The following CHODL variants were observed in gnomAD, a reference collection of about 807,000 sequenced individuals.
The protein encoded by CHODL is transmembrane protein MT75.
In CHODL, 29 loss-of-function variants were observed where a neutral mutation model predicts 34.5. The ratio of observed to expected loss-of-function variants is 0.84; its 90% confidence interval spans 0.63 to 1.15. The LOEUF (loss-of-function observed/expected upper bound fraction) is 1.15, where lower values mean the gene tolerates loss of function less well. CHODL is among the 50% of genes most tolerant of loss of function. CHODL has a pLI of 0.00. For missense variants in CHODL, 332 were observed against 332.5 expected, an observed-to-expected ratio of 1.00 and a Z score of 0.01; for synonymous variants, 125 against 116.1, an observed-to-expected ratio of 1.08 and a Z score of -0.49.
chr21:18,255,455 C>T (rs2074304490), intron 1 of CHODL, among the ~76,000 whole-genome samples: 2 of 151,960 alleles, frequency 1.3e-5, no homozygotes, highest in African/African-American at 4.8e-5. Context: ...TAAGTAGAGC[C>T]TCTAAAGCTG....
intron 1 of CHODL, among the ~76,000 whole-genome samples, chr21:17,999,175 T>A (rs1382621487): frequency 6.6e-6 from 1 of 152,212 alleles, no homozygotes; most frequent in Admixed American, 6.5e-5. Context: ...GCCACCAGTC[T>A]CTTTGCTAAA....
intron 2 of CHODL, among the ~76,000 whole-genome samples, chr21:18,088,879 C>G (rs192066218): frequency 6.6e-6 from 1 of 152,112 alleles, no homozygotes; most frequent in African/African-American, 2.4e-5. Flanking sequence ...GAGTTAAATA[C>G]GCATGACTGA....
chr21:18,049,991 G>A (rs1197366659), intron 2 of CHODL, among the ~76,000 whole-genome samples: 1 of 151,914 alleles, frequency 6.6e-6, no homozygotes, highest in Non-Finnish European at 1.5e-5. Flanking sequence ...CTGCTTTCCT[G>A]GAGCTAACAG....
At chr21:17,941,963 G>A (rs963653857) in intron 1 of CHODL, among the ~76,000 whole-genome samples, 5 of 152,150 alleles carry the variant, frequency 3.3e-5, no homozygotes, top group Admixed American at 6.5e-5. Context: ...CATTCATGAC[G>A]CCTTCACTCT....
At chr21:18,011,028 G>T (rs1252606818) in intron 1 of CHODL, among the ~76,000 whole-genome samples, 1 of 152,068 alleles carries the variant, frequency 6.6e-6, no homozygotes, top group Non-Finnish European at 1.5e-5. Context: ...TTTGAAGTTG[G>T]TTGAATTTTT....
At chr21:17,942,900 G>A (rs1324168061) in intron 1 of CHODL, among the ~76,000 whole-genome samples, 1 of 152,160 alleles carries the variant, frequency 6.6e-6, no homozygotes, top group African/African-American at 2.4e-5. Context: ...TTCTTATAGT[G>A]AGTGAGTTCT....
chr21:18,012,263 C>T (rs541458347), intron 1 of CHODL, among the ~76,000 whole-genome samples: 126 of 152,182 alleles, frequency 8.3e-4, no homozygotes, highest in Non-Finnish European at 1.6e-3. Flanking sequence ...CATTTGTCAT[C>T]ACAATCATTC....
intron 1 of CHODL, among the ~76,000 whole-genome samples, chr21:18,249,695 A>C (rs8129790): frequency 0.029 from 4,390 of 152,294 alleles, 228 homozygotes; most frequent in African/African-American, 0.098. Context: ...ACCTGGTAAA[A>C]GCATGGAGTG....
At chr21:17,974,845 CAGG>C (rs992798469) in intron 1 of CHODL, among the ~76,000 whole-genome samples, 16 of 150,524 alleles carry the variant, frequency 1.1e-4, no homozygotes, top group Non-Finnish European at 1.8e-4. Context: ...TGAACTATGT[CAGG>C]AGAATAGAGA....
At chr21:17,982,510 C>T (rs1042285986) in intron 1 of CHODL, among the ~76,000 whole-genome samples, 2 of 151,714 alleles carry the variant, frequency 1.3e-5, no homozygotes, top group African/African-American at 2.4e-5. Context: ...TCATTTTTAT[C>T]CCATGAAAAA....
At chr21:18,186,410 TA>T (rs34659673) in intron 2 of CHODL, among the ~76,000 whole-genome samples, 28 of 146,144 alleles carry the variant, frequency 1.9e-4, no homozygotes, top group Middle Eastern at 3.5e-3. Context: ...AAAAAAAAAT[TA>T]AAAAAAAAAA....
chr21:18,074,070 A>G (rs1188183681), intron 2 of CHODL, among the ~76,000 whole-genome samples: 1 of 152,142 alleles, frequency 6.6e-6, no homozygotes, highest in African/African-American at 2.4e-5. Context: ...TGGCTGAGAC[A>G]TGAATCTAAT....
At chr21:18,021,894 G>A (rs530786278) in intron 1 of CHODL, among the ~76,000 whole-genome samples, 1 of 152,256 alleles carries the variant, frequency 6.6e-6, no homozygotes, top group East Asian at 1.9e-4. Flanking sequence ...GAATATTTGT[G>A]TCCTCTCCAC....
At chr21:18,253,872 G>C (rs748010001) in intron 1 of CHODL, among the ~76,000 whole-genome samples, 1 of 152,068 alleles carries the variant, frequency 6.6e-6, no homozygotes, top group Non-Finnish European at 1.5e-5. Flanking sequence ...TCCAGATCAC[G>C]GTCACGAAAC....
At chr21:18,194,853 T>C (rs941341202) in intron 2 of CHODL, among the ~76,000 whole-genome samples, 1 of 152,028 alleles carries the variant, frequency 6.6e-6, no homozygotes, top group Non-Finnish European at 1.5e-5. Flanking sequence ...ATTGCACTTA[T>C]TTGTTGTGTA....
At chr21:18,014,766 GA>G (rs1402160381) in intron 1 of CHODL, among the ~76,000 whole-genome samples, 1 of 152,214 alleles carries the variant, frequency 6.6e-6, no homozygotes, top group East Asian at 1.9e-4. Flanking sequence ...GGTCTCTTCA[GA>G]AGGCGAGCAG....
At chr21:18,064,774 C>T (rs1181851665) in intron 2 of CHODL, among the ~76,000 whole-genome samples, 5 of 152,178 alleles carry the variant, frequency 3.3e-5, no homozygotes, top group African/African-American at 4.8e-5. Context: ...CGCGCACACA[C>T]ACGTATGTAA....
rs1251597488 is a variant in CHODL, at chr21:17,954,891, CAT to C, written c.-145+37496_-145+37497del. ...TATATATTTATATTTTAAATTAAAT[CAT>C]ATATTTTATATAATATCTATAATTT... is the stretch of plus-strand genomic sequence containing the variant. On this transcript the variant is annotated intron_variant, in intron 1 of 6. Transcript: ENST00000400127. Among the ~76,000 whole-genome samples the C allele has an allele frequency of 4.9e-4, 33 of 66,976 alleles. 4 individuals are homozygous for C. The highest frequency in any genetic ancestry group is 1.5e-3 in the African/African-American group (18 of 11,690). 43.9% of individuals were successfully genotyped at this position (66,976 alleles called of 152,430 possible).
chr21:18,033,048 A>G (rs1256978487), intron 2 of CHODL, among the ~76,000 whole-genome samples: 1 of 152,070 alleles, frequency 6.6e-6, no homozygotes. Flanking sequence ...TTAAATTCTG[A>G]TGAATGCTAT....
Sources: allele counts gnomAD v4.1 joint callset (sites outside exome capture counted in the v4.1 genomes callset), GRCh38; gene constraint gnomAD v4.1.1; transcripts MANE v1.5; gene names NCBI Gene and HGNC (gene_info 2026-07-23, HGNC 2026-07-21).